SLIT2: variants seen among roughly 807,000 people sequenced by gnomAD.
SLIT2 encodes slit guidance ligand 2, also known as slit homolog 2 protein.
Under a neutral mutation model 185.7 loss-of-function variants are expected in SLIT2, and 41 were observed. That is an observed-to-expected ratio of 0.22 (90% CI 0.17 to 0.29). The LOEUF is 0.29. SLIT2 is among the 10% of genes least tolerant of loss of function. The probability of loss-of-function intolerance (pLI) is 1.00; values close to 1 mark genes in which losing one functional copy is unlikely to be tolerated. For missense variants in SLIT2, 1,571 were observed against 1,909.0 expected (o/e 0.82, Z 3.30); for synonymous variants, 693 against 680.2 (o/e 1.02, Z -0.29).
At chr4:20,545,932 G>A (rs1723208578) in intron 21 of SLIT2, 99 bp from the exon 22 acceptor site, 3 of 521,914 alleles carry the variant, frequency 5.7e-6, no homozygotes, top group East Asian at 3.4e-5. Flanking sequence ...AAATTGCCAA[G>A]GGGTTCCTTG....
chr4:20,363,060 G>C (rs1050025448), intron 4 of SLIT2, among the ~76,000 whole-genome samples: 1 of 151,938 alleles, frequency 6.6e-6, no homozygotes, highest in African/African-American at 2.4e-5. Context: ...CAAAGCAACC[G>C]AATAACAGTA....
At chr4:20,296,367 A>G (rs1716477673) in intron 4 of SLIT2, among the ~76,000 whole-genome samples, 1 of 152,256 alleles carries the variant, frequency 6.6e-6, no homozygotes, top group South Asian at 2.1e-4. Flanking sequence ...AAAAGTTACC[A>G]TGGCATTACC....
intron 4 of SLIT2, among the ~76,000 whole-genome samples, chr4:20,364,515 C>T (rs1204251159): frequency 1.3e-5 from 2 of 152,064 alleles, no homozygotes; most frequent in Non-Finnish European, 2.9e-5. Flanking sequence ...TTTCTAGTTC[C>T]TACTTTTCAT....
At chr4:20,261,165 G>A (rs1712430995) in intron 3 of SLIT2, among the ~76,000 whole-genome samples, 1 of 151,692 alleles carries the variant, frequency 6.6e-6, no homozygotes, top group Non-Finnish European at 1.5e-5. Flanking sequence ...TGTTTATCTG[G>A]GATGAAAATG....
chr4:20,570,727 ATATG>A (rs5856570), intron 29 of SLIT2, among the ~76,000 whole-genome samples: 25,985 of 76,248 alleles, frequency 0.34, 2,569 homozygotes, highest in Admixed American at 0.43. Flanking sequence ...ATATATATAT[ATATG>A]TATATATATA....
intron 33 of SLIT2, among the ~76,000 whole-genome samples, chr4:20,603,241 C>T (rs1167513054): frequency 6.6e-6 from 1 of 152,150 alleles, no homozygotes; most frequent in African/African-American, 2.4e-5. Flanking sequence ...CATCACATCT[C>T]GTGAGACTCA....
chr4:20,363,725 T>A (rs1722907580), intron 4 of SLIT2, among the ~76,000 whole-genome samples: 1 of 151,850 alleles, frequency 6.6e-6, no homozygotes, highest in Non-Finnish European at 1.5e-5. Context: ...AGGTTATGAA[T>A]AAAAAAAATC....
intron 18 of SLIT2, among the ~76,000 whole-genome samples, chr4:20,535,083 G>A (rs1433678858): frequency 1.3e-5 from 2 of 151,992 alleles, no homozygotes; most frequent in African/African-American, 2.4e-5. Context: ...GGCAGATCAC[G>A]AGGTCAGGAG....
At chr4:20,575,916 C>T (rs561023092) in intron 29 of SLIT2, among the ~76,000 whole-genome samples, 4 of 151,696 alleles carry the variant, frequency 2.6e-5, no homozygotes, top group South Asian at 4.2e-4. Context: ...GGGAAAAGTT[C>T]GGGTTTCTCT....
At chr4:20,556,755 TAGCAA>T (rs1724291046) in intron 26 of SLIT2, among the ~76,000 whole-genome samples, 3 of 151,456 alleles carry the variant, frequency 2.0e-5, no homozygotes, top group African/African-American at 7.3e-5. Flanking sequence ...AACAAAAATG[TAGCAA>T]GGAAGGCCAC....
chr4:20,361,352 T>A (rs113039899), intron 4 of SLIT2, among the ~76,000 whole-genome samples: 1 of 152,082 alleles, frequency 6.6e-6, no homozygotes, highest in African/African-American at 2.4e-5. Flanking sequence ...ATGAACTTAA[T>A]TTTTTTAGCT....
chr4:20,315,291 G>A (rs770729395), intron 4 of SLIT2, among the ~76,000 whole-genome samples: 1 of 152,098 alleles, frequency 6.6e-6, no homozygotes, highest in South Asian at 2.1e-4. Context: ...AAAACGTCAT[G>A]AATATTCAAC....
chr4:20,492,783 C>T lies in SLIT2; in HGVS notation c.914+884C>T, dbSNP rs373279188. On this transcript the variant is annotated intron_variant, in intron 9 of 36. Transcript: ENST00000504154. ...GTATGCGAAAAAGTTGTTTTTAAAG[C>T]GCTCATTTTTAACCAATTTATTTAA... Among the ~76,000 whole-genome samples the T allele has an allele frequency of 5.9e-5, 9 of 151,832 alleles. No homozygotes were observed. The East Asian group carries it at 7.7e-4, about 13-fold the overall frequency.
intron 4 of SLIT2, among the ~76,000 whole-genome samples, chr4:20,317,310 GA>G (rs151052910): frequency 0.061 from 8,975 of 148,188 alleles, 308 homozygotes; most frequent in Middle Eastern, 0.093. Flanking sequence ...TGAAAGGAAA[GA>G]AAAAAAAACA....
chr4:20,524,479 A>T (rs1164372535), intron 14 of SLIT2, among the ~76,000 whole-genome samples: 1 of 152,214 alleles, frequency 6.6e-6, no homozygotes, highest in African/African-American at 2.4e-5. Flanking sequence ...GCTAACTCAG[A>T]ATACCTTTAA....
intron 7 of SLIT2, among the ~76,000 whole-genome samples, chr4:20,487,710 G>T (rs749199917): frequency 3.3e-5 from 5 of 152,128 alleles, no homozygotes; most frequent in Non-Finnish European, 5.9e-5. Flanking sequence ...TCTGTGGTAC[G>T]CCTTCTAGTT....
intron 20 of SLIT2, among the ~76,000 whole-genome samples, 153 bp from the exon 21 acceptor site, chr4:20,542,341 G>A (rs867951464): frequency 1.3e-5 from 2 of 152,038 alleles, no homozygotes; most frequent in Admixed American, 6.6e-5. Context: ...TAGAACTTAC[G>A]GTATCAATTA....
intron 4 of SLIT2, among the ~76,000 whole-genome samples, chr4:20,329,912 C>T (rs1025986061): frequency 4.6e-5 from 7 of 152,058 alleles, no homozygotes; most frequent in African/African-American, 1.7e-4. Flanking sequence ...TTTTTCTGCT[C>T]TCATGAGGGT....
chr4:20,528,856 A>G lies in SLIT2; in HGVS notation c.1463-93A>G, dbSNP rs1309340788. 4.0e-6 allele frequency: 4 copies of G among 1,000,228 alleles called. No individual in the cohort carries two copies. The highest frequency in any genetic ancestry group is 5.8e-6 in the Non-Finnish European group (4 of 684,676). 62.0% of individuals were successfully genotyped at this position (1,000,228 alleles called of 1,614,324 possible). A position where few individuals can be genotyped will look rare whatever the true frequency, so the allele number is the denominator to read the frequency against. ...CCCCAAGTTGTCTCCCTGCTACATA[A>G]TCTATAGTTATCTTACTTTTTTCTT... On this transcript the variant is annotated intron_variant, in intron 15 of 36. Coordinates refer to ENST00000504154, the MANE Select transcript of SLIT2 (RefSeq NM_004787.4). This position sits in a 1 kb window ranked among gnomAD's most constrained non-coding sequence, Gnocchi z 4.2.
Sources: allele counts gnomAD v4.1 joint callset (sites outside exome capture counted in the v4.1 genomes callset), GRCh38; gene constraint gnomAD v4.1.1; non-coding constraint Gnocchi (gnomAD v3.1); transcripts MANE v1.5; gene names NCBI Gene and HGNC (gene_info 2026-07-23, HGNC 2026-07-21).